CBLN2: variants seen among roughly 807,000 people sequenced by gnomAD.
CBLN2 encodes the protein cerebellin-2.
Under a neutral mutation model 15.0 loss-of-function variants are expected in CBLN2, and 7 were observed. The ratio of observed to expected loss-of-function variants is 0.47; its 90% CI spans 0.27 to 0.88. The LOEUF (loss-of-function observed/expected upper bound fraction) is 0.88. CBLN2 is among the 40% of genes least tolerant of loss of function. The pLI is 0.14. For synonymous variants in CBLN2, 149 were observed against 135.2 expected (o/e 1.10, Z -0.71); for missense variants, 242 against 304.5 (o/e 0.79, Z 1.53).
At chr18:72,590,809 C>T (rs973437197) in intron 1 of CBLN2, among the ~76,000 whole-genome samples, 8 of 152,136 alleles carry the variant, frequency 5.3e-5, no homozygotes, top group Admixed American at 1.3e-4. Context: ...ATTACCTGAG[C>T]AGCTAGAAGA....
chr18:72,605,247 G>T (rs901369099), intron 1 of CBLN2, among the ~76,000 whole-genome samples: 2 of 152,022 alleles, frequency 1.3e-5, no homozygotes, highest in East Asian at 1.9e-4. Context: ...ATTTGAACAC[G>T]CTGTGGAAAT....
intron 1 of CBLN2, among the ~76,000 whole-genome samples, chr18:72,633,120 C>T (rs530892024): frequency 9.2e-5 from 14 of 152,186 alleles, no homozygotes; most frequent in African/African-American, 2.4e-4. Context: ...AAAAAATCAA[C>T]GGCGATTGTT....
intron 1 of CBLN2, among the ~76,000 whole-genome samples, chr18:72,569,498 GA>G (rs1171410117): frequency 6.6e-6 from 1 of 152,100 alleles, no homozygotes. Context: ...TACAATAAAG[GA>G]ATACCTGAGA....
chr18:72,554,638 A>C (rs1182234562), intron 1 of CBLN2, among the ~76,000 whole-genome samples: 3 of 152,242 alleles, frequency 2.0e-5, no homozygotes, highest in African/African-American at 7.2e-5. Flanking sequence ...AAGTAAAAAA[A>C]AAAAATTGAA....
At chr18:72,567,019 C>T (rs1481023700) in intron 1 of CBLN2, among the ~76,000 whole-genome samples, 2 of 151,970 alleles carry the variant, frequency 1.3e-5, no homozygotes, top group African/African-American at 2.4e-5. Flanking sequence ...GATGGAGTTT[C>T]GCCATGTTGT....
chr18:72,631,129 T>G (rs1245683394), intron 1 of CBLN2: 1 of 152,202 alleles, frequency 6.6e-6, no homozygotes, highest in Non-Finnish European at 1.5e-5. Flanking sequence ...CTTCGCAAAC[T>G]TTTTTAGTAA....
intron 1 of CBLN2, among the ~76,000 whole-genome samples, chr18:72,563,944 T>A (rs1359511972): frequency 6.6e-6 from 1 of 152,256 alleles, no homozygotes; most frequent in East Asian, 1.9e-4. Flanking sequence ...ATTCTATGAA[T>A]GTCATTCTAT....
In CBLN2 at chr18:72,536,796, T is replaced by C. The variant is rs1329657291; in HGVS notation, c.*1380A>G. 6.6e-6 allele frequency: 1 copy of C among 152,628 alleles called. No homozygotes were observed. Among genetic ancestry groups the C allele is most frequent in the Non-Finnish European group, 1.5e-5 (1 of 68,046 alleles). 9.5% of individuals were successfully genotyped at this position (152,628 alleles called of 1,614,324 possible). On this transcript the variant is annotated 3_prime_UTR_variant, in exon 5 of 5. Transcript: ENST00000269503. ...ATCTGGTTTGAGGTCTCCTTTTTGA[T>C]TGCTTTGGGATTAGTGACATTTCCT...
chr18:72,614,148 C>A (rs1199900413), intron 1 of CBLN2, among the ~76,000 whole-genome samples: 3 of 152,126 alleles, frequency 2.0e-5, no homozygotes, highest in Admixed American at 1.3e-4. Flanking sequence ...TATGAATGAG[C>A]TTTACAGATA....
chr18:72,582,102 T>C (rs980845046), intron 1 of CBLN2, among the ~76,000 whole-genome samples: 2 of 152,244 alleles, frequency 1.3e-5, no homozygotes, highest in African/African-American at 4.8e-5. Context: ...TTCCCTGTTC[T>C]GTCATCTACC....
intron 1 of CBLN2, among the ~76,000 whole-genome samples, chr18:72,589,993 C>T (rs1217422912): frequency 6.6e-6 from 1 of 151,692 alleles, no homozygotes; most frequent in Non-Finnish European, 1.5e-5. Context: ...ATTAGTCAGG[C>T]ACGGTGGCTC....
Position 72,537,300 on chromosome 18 carries a change from C to A in CBLN2, c.*876G>T, listed in dbSNP as rs1440026878. 6.6e-6 allele frequency: 1 copy of A among 152,146 alleles called. No homozygotes were observed. The highest frequency in any genetic ancestry group is 1.5e-5 in the Non-Finnish European group (1 of 68,030). The allele number at this position is 152,146 out of a possible 1,614,324, so 9.4% of individuals were successfully genotyped here. ...TAGTTCTAAAGGTGCATCTTAGAAT[C>A]TCTTTGAGAGAATAAGCAGAATTGT... On this transcript the variant is annotated 3_prime_UTR_variant, in exon 5 of 5. Coordinates refer to ENST00000269503, the MANE Select transcript of CBLN2 (RefSeq NM_182511.4).
chr18:72,558,618 A>G (rs1036217148), intron 1 of CBLN2, among the ~76,000 whole-genome samples: 4 of 152,220 alleles, frequency 2.6e-5, no homozygotes, highest in Non-Finnish European at 5.9e-5. Context: ...TTGTGACAAT[A>G]CTGCTTTTTG....
chr18:72,580,062 A>G (rs1417894471), intron 1 of CBLN2, among the ~76,000 whole-genome samples: 3 of 151,598 alleles, frequency 2.0e-5, no homozygotes, highest in African/African-American at 7.2e-5. Flanking sequence ...ATATGATTAT[A>G]GCAGTGCAAC....
At position 72,569,550 on chromosome 18, in the gene CBLN2, G is replaced by A. The variant is rs115776628; in HGVS notation, c.16-30778C>T. Among the ~76,000 whole-genome samples, 1,377 of 152,282 alleles carry A rather than the reference G, an allele frequency of 9.0e-3. 20 individuals carry two copies. The highest frequency in any genetic ancestry group is 0.031 in the African/African-American group (1,293 of 41,556). ...AGGAAAGAGGTTTAATTTGGCTCAA[G>A]TTTCGGCAGGCTGTACAGGCAATGT... is the stretch of plus-strand genomic sequence containing the variant. On this transcript the variant is annotated intron_variant, in intron 1 of 2. Coordinates refer to the CBLN2 transcript ENST00000581073.
chr18:72,538,570 C>G, intron 4 of CBLN2, 83 bp downstream of exon 4: 1 of 1,570,016 alleles, frequency 6.4e-7, no homozygotes. Flanking sequence ...TCTCCCTCAG[C>G]CTCAGAGACC....
intron 1 of CBLN2, among the ~76,000 whole-genome samples, chr18:72,574,693 A>T (rs1415735567): frequency 6.6e-6 from 1 of 152,218 alleles, no homozygotes; most frequent in Non-Finnish European, 1.5e-5. Flanking sequence ...GTTATATTCT[A>T]AAGGCTTAAT....
chr18:72,616,709 G>A lies in CBLN2; in HGVS notation c.15+21616C>T, dbSNP rs78189339. 3.9e-3 allele frequency among the ~76,000 whole-genome samples: 586 copies of A among 152,170 alleles called. 10 individuals carry two copies. In the East Asian group the frequency reaches 0.051, roughly 13 times the overall value. ...TAAAAAATGACAGACAATCTAATTT[G>A]TTAGTCTTTTCTGTTTGTCTATTTC... On this transcript the variant is annotated intron_variant, in intron 1 of 2. Coordinates refer to the CBLN2 transcript ENST00000581073.
At chr18:72,635,046 C>A (rs941187454) in intron 1 of CBLN2, among the ~76,000 whole-genome samples, 1 of 152,082 alleles carries the variant, frequency 6.6e-6, no homozygotes, top group African/African-American at 2.4e-5. Context: ...GTTGTCTGAG[C>A]AATGCCTTTA....
Sources: gnomAD v4.1 joint callset for allele counts (sites outside exome capture counted in the v4.1 genomes callset) on GRCh38, gnomAD v4.1.1 for gene constraint, MANE v1.5 for transcripts, NCBI Gene and HGNC (gene_info 2026-07-23, HGNC 2026-07-21) for gene names.